SYT1: variants seen among roughly 807,000 people sequenced by gnomAD.
SYT1 encodes synaptotagmin 1.
SYT1 carries 8 observed loss-of-function variants against 44.8 expected under a neutral mutation model. The observed-to-expected ratio is 0.18, with a 90% CI of 0.10 to 0.32. The LOEUF (loss-of-function observed/expected upper bound fraction) is 0.32. SYT1 is among the 10% of genes least tolerant of loss of function. The pLI, the probability that SYT1 is intolerant of heterozygous loss-of-function variation, is 1.00. For missense variants in SYT1, 286 were observed against 509.3 expected (o/e 0.56, Z 4.22); for synonymous variants, 154 against 188.8 (o/e 0.82, Z 1.51).
At chr12:78,979,015 T>A (rs1869051573) in intron 2 of SYT1, among the ~76,000 whole-genome samples, 1 of 152,214 alleles carries the variant, frequency 6.6e-6, no homozygotes, top group South Asian at 2.1e-4. Flanking sequence ...CTCCTATCTC[T>A]TGCAGTAAGA....
chr12:79,320,167 G>A (rs1051254828), intron 8 of SYT1, among the ~76,000 whole-genome samples: 1 of 152,070 alleles, frequency 6.6e-6, no homozygotes, highest in Non-Finnish European at 1.5e-5. Flanking sequence ...GAATAAAAAA[G>A]CTACCAAAAA....
intron 1 of SYT1, among the ~76,000 whole-genome samples, chr12:78,887,883 A>G (rs1874834062): frequency 6.6e-6 from 1 of 151,922 alleles, no homozygotes; most frequent in Non-Finnish European, 1.5e-5. Context: ...CAAGTATAAT[A>G]TTGTTAACTT....
chr12:78,998,893 G>A (rs1478849634), intron 2 of SYT1, among the ~76,000 whole-genome samples: 1 of 152,184 alleles, frequency 6.6e-6, no homozygotes, highest in African/African-American at 2.4e-5. Flanking sequence ...GCAAAGTCCA[G>A]TGGAAATTTG....
At chr12:79,296,044 T>C in intron 6 of SYT1, 25 bp from the exon 7 acceptor site, 1 of 1,595,104 alleles carries the variant, frequency 6.3e-7, no homozygotes, top group South Asian at 1.1e-5. Flanking sequence ...TATTTATGTA[T>C]GCTGTATTCT....
At chr12:79,241,029 C>T (rs967921872) in intron 4 of SYT1, among the ~76,000 whole-genome samples, 3 of 151,998 alleles carry the variant, frequency 2.0e-5, no homozygotes, top group Admixed American at 6.6e-5. Flanking sequence ...TAAAACCAGC[C>T]TGTCATGGTG....
At chr12:79,207,625 G>A (rs1471682043) in intron 3 of SYT1, among the ~76,000 whole-genome samples, 1 of 151,894 alleles carries the variant, frequency 6.6e-6, no homozygotes, top group Non-Finnish European at 1.5e-5. Flanking sequence ...GAAAAACAAA[G>A]TTTAAAAAAA....
chr12:78,873,536 TTAGA>T (rs1342667790), intron 1 of SYT1, among the ~76,000 whole-genome samples: 1 of 151,676 alleles, frequency 6.6e-6, no homozygotes, highest in Non-Finnish European at 1.5e-5. Flanking sequence ...CACTGTGATG[TTAGA>T]TAAGTCACCT....
chr12:79,307,304 T>C (rs913746345), intron 8 of SYT1, among the ~76,000 whole-genome samples: 1 of 152,200 alleles, frequency 6.6e-6, no homozygotes, highest in African/African-American at 2.4e-5. Flanking sequence ...CACACAAACT[T>C]ACTTGCTTTA....
chr12:79,377,649 G>A (rs1884055268), intron 9 of SYT1, among the ~76,000 whole-genome samples: 1 of 152,216 alleles, frequency 6.6e-6, no homozygotes, highest in African/African-American at 2.4e-5. Context: ...ACTTCAGGCA[G>A]AGTTGCTTTT....
At chr12:79,075,368 T>A (rs2137921994) in intron 3 of SYT1, among the ~76,000 whole-genome samples, 1 of 152,288 alleles carries the variant, frequency 6.6e-6, no homozygotes, top group African/African-American at 2.4e-5. Context: ...CCAAATAGAC[T>A]TTTTGGCCTT....
At chr12:78,894,330 GTTTTTTTTTTTTTTTT>G (rs566175647) in intron 1 of SYT1, among the ~76,000 whole-genome samples, 68 of 27,732 alleles carry the variant, frequency 2.5e-3, no homozygotes, top group Admixed American at 9.8e-3. Context: ...TTTTTAATCT[GTTTTTTTTTTTTTTTT>G]TTTTTTTTTT....
At chr12:79,204,729 A>G (rs1203477669) in intron 3 of SYT1, among the ~76,000 whole-genome samples, 1 of 151,250 alleles carries the variant, frequency 6.6e-6, no homozygotes, top group Non-Finnish European at 1.5e-5. Context: ...TCCCTCTTCT[A>G]TCAAAAATAA....
chr12:79,222,201 T>C (rs1371734111), intron 4 of SYT1, among the ~76,000 whole-genome samples: 1 of 152,074 alleles, frequency 6.6e-6, no homozygotes, highest in Non-Finnish European at 1.5e-5. Flanking sequence ...TTGCTTCTTT[T>C]CTCTTGCTGC....
At chr12:79,103,564 G>A (rs996778291) in intron 3 of SYT1, among the ~76,000 whole-genome samples, 1 of 151,752 alleles carries the variant, frequency 6.6e-6, no homozygotes, top group Non-Finnish European at 1.5e-5. Flanking sequence ...AAGTAAATAT[G>A]AAATTATTTA....
intron 4 of SYT1, among the ~76,000 whole-genome samples, chr12:79,251,644 C>A (rs1033745934): frequency 6.6e-6 from 1 of 152,148 alleles, no homozygotes; most frequent in African/African-American, 2.4e-5. Flanking sequence ...TCAGCACTCA[C>A]CAAGTGAAGA....
intron 1 of SYT1, among the ~76,000 whole-genome samples, chr12:78,969,287 C>G (rs774350858): frequency 6.6e-6 from 1 of 152,138 alleles, no homozygotes; most frequent in African/African-American, 2.4e-5. Context: ...GTCCTGGGAC[C>G]AATCCCCAAT....
At chr12:79,443,076 G>A (rs1870518129) in intron 9 of SYT1, among the ~76,000 whole-genome samples, 1 of 152,146 alleles carries the variant, frequency 6.6e-6, no homozygotes, top group Non-Finnish European at 1.5e-5. Flanking sequence ...AGCTGTAAAT[G>A]GGAATTGTCT....
Position 79,450,657 on chromosome 12 carries a change from A to G in SYT1, c.*1533A>G, listed in dbSNP as rs888245019. 6.6e-6 allele frequency: 1 copy of G among 152,656 alleles called. No individual in the cohort carries two copies. Among genetic ancestry groups the G allele is most frequent in the Non-Finnish European group, 1.5e-5 (1 of 68,044 alleles). 9.5% of individuals were successfully genotyped at this position (152,656 alleles called of 1,614,324 possible). On this transcript the variant is annotated 3_prime_UTR_variant, in exon 11 of 11. Transcript: ENST00000261205. ...TCAATTTATTCCGTAGTGATATTGT[A>G]ACAATACTGCCATTCCCTTCTACTG...
intron 3 of SYT1, among the ~76,000 whole-genome samples, chr12:79,120,005 T>C (rs1357572593): frequency 6.6e-6 from 1 of 152,124 alleles, no homozygotes; most frequent in Non-Finnish European, 1.5e-5. Flanking sequence ...TCCAAGAGAC[T>C]GAGGGAGCCA....
Sources: allele counts gnomAD v4.1 joint callset (sites outside exome capture counted in the v4.1 genomes callset), GRCh38; gene constraint gnomAD v4.1.1; transcripts MANE v1.5; gene names NCBI Gene and HGNC (gene_info 2026-07-23, HGNC 2026-07-21).